The following TMEM144 variants were observed in gnomAD, a reference collection of about 807,000 sequenced individuals.
The protein encoded by TMEM144 is transmembrane protein 144.
Under a neutral mutation model 43.6 loss-of-function variants are expected in TMEM144, and 39 were observed. That is an observed-to-expected ratio of 0.90 (90% CI 0.69 to 1.17). TMEM144 has a LOEUF of 1.17. Among genes scored for constraint, TMEM144 ranks in the 50% most tolerant of loss-of-function variants. The pLI is 0.00. For missense variants in TMEM144, 417 were observed against 411.9 expected (o/e 1.01, Z -0.11); for synonymous variants, 154 against 133.6 (o/e 1.15, Z -1.06).
At chr4:158,224,566 G>T (rs547999132) in intron 6 of TMEM144, among the ~76,000 whole-genome samples, 11 of 152,052 alleles carry the variant, frequency 7.2e-5, no homozygotes, top group Non-Finnish European at 1.6e-4. Context: ...TAGAGTTCTC[G>T]TACACTTATA....
chr4:158,242,383 C>A (rs756474576), intron 11 of TMEM144, among the ~76,000 whole-genome samples: 9 of 152,154 alleles, frequency 5.9e-5, no homozygotes, highest in Non-Finnish European at 1.2e-4. Flanking sequence ...AAGAGTTAGT[C>A]CCTACCCTCA....
intron 12 of TMEM144, among the ~76,000 whole-genome samples, chr4:158,250,336 G>C (rs1032753292): frequency 6.6e-6 from 1 of 151,726 alleles, no homozygotes; most frequent in African/African-American, 2.4e-5. Context: ...GTTCTGTTCA[G>C]ATTTATTACA....
In TMEM144 at chr4:158,241,463, A is replaced by C. The variant is rs537245843; in HGVS notation, c.803-46A>C. ...TGTTGTAGCTCAGTGTGAGTTCTTC[A>C]GGAGGGGAACATGGTCTGCAAATGT... On this transcript the variant is annotated intron_variant, in intron 10 of 12. Transcript: ENST00000296529. 3 of 1,454,956 alleles carry C rather than the reference A, an allele frequency of 2.1e-6. No homozygotes were observed. The East Asian group carries it at 6.8e-5, about 33-fold the overall frequency. 90.1% of individuals were successfully genotyped at this position (1,454,956 alleles called of 1,614,324 possible).
chr4:158,211,729 TTTTTG>T (rs1248561265), intron 2 of TMEM144, 155 bp downstream of exon 2: 1 of 152,240 alleles, frequency 6.6e-6, no homozygotes, highest in Non-Finnish European at 1.5e-5. Context: ...TAGCAATGTG[TTTTTG>T]TTTTAAGAAA....
At chr4:158,237,182 A>G (rs1326407473) in intron 8 of TMEM144, among the ~76,000 whole-genome samples, 3 of 152,226 alleles carry the variant, frequency 2.0e-5, no homozygotes, top group Non-Finnish European at 4.4e-5. Context: ...AGATATCTCA[A>G]TTTAATTAGA....
At chr4:158,227,115 G>A (rs1560826833) in intron 6 of TMEM144, among the ~76,000 whole-genome samples, 1 of 145,958 alleles carries the variant, frequency 6.9e-6, no homozygotes, top group Non-Finnish European at 1.5e-5. Context: ...ATTTAGAATT[G>A]GTATAGATGG....
rs138416407 is a variant in TMEM144 at position 158,215,099 on chromosome 4, G to A, written c.110-92G>A. 273 of 1,519,512 alleles carry A rather than the reference G, an allele frequency of 1.8e-4. No individual in the cohort carries two copies. The African/African-American group carries it at 3.3e-3, about 18-fold the overall frequency. The allele number at this position is 1,519,512 out of a possible 1,614,324, so 94.1% of individuals were successfully genotyped here. A position where few individuals can be genotyped will look rare whatever the true frequency, so the allele number is the denominator to read the frequency against. On this transcript the variant is annotated intron_variant, in intron 3 of 12. Coordinates refer to ENST00000296529, the MANE Select transcript of TMEM144 (RefSeq NM_018342.5). ...GGCATATGGCATTTAATAAATTGTG[G>A]CCATTCCTGTAATATCACCTCATAG...
intron 6 of TMEM144, among the ~76,000 whole-genome samples, chr4:158,224,401 C>T (rs542241852): frequency 5.9e-5 from 9 of 152,264 alleles, no homozygotes; most frequent in African/African-American, 1.9e-4. Flanking sequence ...TGTGCAGAAG[C>T]TCTTTAGTTT....
intron 6 of TMEM144, among the ~76,000 whole-genome samples, chr4:158,228,383 A>T (rs1396292587): frequency 1.3e-5 from 2 of 151,274 alleles, no homozygotes; most frequent in Non-Finnish European, 2.9e-5. Context: ...TCAAAACCAA[A>T]ACCAAAACTA....
intron 6 of TMEM144, among the ~76,000 whole-genome samples, chr4:158,219,669 A>G (rs7678486): frequency 0.3 from 45,951 of 152,084 alleles, 7,872 homozygotes; most frequent in African/African-American, 0.47. Flanking sequence ...GTAGAAAATC[A>G]TAACACATAG....
At chr4:158,243,788 A>T (rs561428517) in intron 11 of TMEM144, among the ~76,000 whole-genome samples, 2 of 152,270 alleles carry the variant, frequency 1.3e-5, no homozygotes, top group Admixed American at 6.5e-5. Context: ...TGTTAGCCAG[A>T]CTTGATTGCT....
At chr4:158,226,849 A>G (rs527455624) in intron 6 of TMEM144, among the ~76,000 whole-genome samples, 143 of 152,120 alleles carry the variant, frequency 9.4e-4, no homozygotes, top group Non-Finnish European at 1.8e-3. Flanking sequence ...AGAATTTACC[A>G]TATAATACTC....
Position 158,253,707 on chromosome 4 carries a change from C to A in TMEM144, c.*180C>A. The stretch of plus-strand genomic sequence containing the variant: ...GAATGAAGGAAGATTGAGTTTCATT[C>A]AAGTATAAAAATGAAAATTTCTTCT... On this transcript the variant is annotated 3_prime_UTR_variant, in exon 13 of 13. Transcript: ENST00000296529. 1 of 575,356 alleles carries A rather than the reference C, an allele frequency of 1.7e-6. No individual in the cohort carries two copies. The highest frequency in any genetic ancestry group is 2.1e-5 in the South Asian group (1 of 46,666). 35.6% of individuals were successfully genotyped at this position (575,356 alleles called of 1,614,324 possible).
At position 158,253,790 on chromosome 4, in the gene TMEM144, T is replaced by C. The variant is rs1736338495; in HGVS notation, c.*263T>C. ...GGTGACTAAAATGTCTACATTATTA[T>C]AGCATTACATACGAGGATGCTCTTT... is the stretch of plus-strand genomic sequence containing the variant. On this transcript the variant is annotated 3_prime_UTR_variant, in exon 13 of 13. Coordinates refer to ENST00000296529, the MANE Select transcript of TMEM144 (RefSeq NM_018342.5). The C allele has an allele frequency of 2.4e-6, 1 of 416,020 alleles. No individual in the cohort carries two copies. The highest frequency in any genetic ancestry group is 2.0e-5 in the African/African-American group (1 of 49,454). 25.8% of individuals were successfully genotyped at this position (416,020 alleles called of 1,614,324 possible). A position where few individuals can be genotyped will look rare whatever the true frequency, so the allele number is the denominator to read the frequency against.
chr4:158,212,975 A>G (rs374312584), intron 3 of TMEM144, 199 bp downstream of exon 3: 7 of 605,650 alleles, frequency 1.2e-5, no homozygotes, highest in Non-Finnish European at 2.0e-5. Context: ...AGGTTGTTTC[A>G]TGGTAAAGTT....
chr4:158,215,408 T>C, intron 4 of TMEM144, 95 bp downstream of exon 4: 2 of 1,441,032 alleles, frequency 1.4e-6, no homozygotes, highest in Admixed American at 4.3e-5. Flanking sequence ...ACAGTGATTC[T>C]GAATAACCCT....
chr4:158,235,633 T>A, intron 8 of TMEM144, 128 bp downstream of exon 8: 1 of 961,972 alleles, frequency 1.0e-6, no homozygotes, highest in Non-Finnish European at 1.4e-6. Context: ...GACTTCTATC[T>A]CCATGCGGCG....
At chr4:158,246,880 A>T (rs2111151514) in intron 12 of TMEM144, among the ~76,000 whole-genome samples, 1 of 152,104 alleles carries the variant, frequency 6.6e-6, no homozygotes, top group South Asian at 2.1e-4. Flanking sequence ...TTTGGTCATG[A>T]CTACAATAAT....
At chr4:158,249,914 G>C (rs1736105303) in intron 12 of TMEM144, among the ~76,000 whole-genome samples, 1 of 131,006 alleles carries the variant, frequency 7.6e-6, no homozygotes, top group South Asian at 2.3e-4. Context: ...GTGTGTGTGT[G>C]TGTGTGTGTG....
Sources: allele counts gnomAD v4.1 joint callset (sites outside exome capture counted in the v4.1 genomes callset), GRCh38; gene constraint gnomAD v4.1.1; transcripts MANE v1.5; gene names NCBI Gene and HGNC (gene_info 2026-07-23, HGNC 2026-07-21).